CTNNA2: variants seen among roughly 807,000 people sequenced by gnomAD.
CTNNA2 encodes the protein catenin alpha 2.
CTNNA2 carries 42 observed loss-of-function variants against 101.0 expected under a neutral mutation model. The observed-to-expected ratio is 0.42, with a 90% CI of 0.32 to 0.54. The LOEUF is 0.54. Ranked by LOEUF, CTNNA2 falls within the 20% of genes least tolerant of loss-of-function variation. CTNNA2 has a pLI of 0.14. For synonymous variants in CTNNA2, 450 were observed against 456.4 expected (o/e 0.99, Z 0.18); for missense variants, 871 against 1,223.1 (o/e 0.71, Z 4.29).
chr2:79,525,696 A>C (rs1049740164), intron 1 of CTNNA2, among the ~76,000 whole-genome samples: 3 of 152,006 alleles, frequency 2.0e-5, no homozygotes, highest in Non-Finnish European at 2.9e-5. Context: ...GCTTTGTAGA[A>C]TATTGACTGT....
chr2:80,172,650 G>T lies in CTNNA2; in HGVS notation c.1057-220561G>T, dbSNP rs114455988. Among the ~76,000 whole-genome samples the T allele has an allele frequency of 1.6e-3, 246 of 152,276 alleles. 1 individual carries two copies. Among genetic ancestry groups the T allele is most frequent in the African/African-American group, 5.7e-3 (237 of 41,556 alleles). On this transcript the variant is annotated intron_variant, in intron 7 of 18. Transcript: ENST00000402739. Reference sequence around the variant, plus strand: ...AACAATGGAAATGTATTGTCTCATGGCTCTAGAGGCCAGAAGTCTGAGATC... The same window carrying T: ...AACAATGGAAATGTATTGTCTCATGTCTCTAGAGGCCAGAAGTCTGAGATC...
intron 7 of CTNNA2, among the ~76,000 whole-genome samples, chr2:80,168,876 G>A (rs954019551): frequency 2.0e-5 from 3 of 151,962 alleles, no homozygotes; most frequent in South Asian, 2.1e-4. Flanking sequence ...GTTGATTCCC[G>A]CAAACCAAAT....
chr2:80,647,160 A>G (rs1000511056), intron 18 of CTNNA2, among the ~76,000 whole-genome samples: 4 of 152,086 alleles, frequency 2.6e-5, no homozygotes, highest in African/African-American at 4.8e-5. Context: ...TCTTCTGCCT[A>G]AATGACTGTA....
intron 7 of CTNNA2, among the ~76,000 whole-genome samples, chr2:80,227,066 A>G (rs926524207): frequency 1.3e-5 from 2 of 152,218 alleles, no homozygotes; most frequent in Non-Finnish European, 2.9e-5. Flanking sequence ...GCTGTTGTAA[A>G]TGCCACCTTC....
In CTNNA2 at chr2:80,042,272, T is replaced by TTTTTG. The variant is rs576176803; in HGVS notation, c.1056+132488_1056+132492dup. On this transcript the variant is annotated intron_variant, in intron 7 of 18. Coordinates refer to ENST00000402739, the MANE Select transcript of CTNNA2 (RefSeq NM_001282597.3). ...GAGCCACTGCGTTTGACCTAGTTGT[T>TTTTTG]TTTTGTTTTGTTTTGTTCTGTTTTT... 1.0e-3 allele frequency among the ~76,000 whole-genome samples: 153 copies of TTTTTG among 152,276 alleles called. 5 individuals are homozygous for TTTTTG. The South Asian group carries it at 0.029, about 29-fold the overall frequency.
chr2:80,140,064 G>A (rs1223232428), intron 7 of CTNNA2, among the ~76,000 whole-genome samples: 1 of 152,154 alleles, frequency 6.6e-6, no homozygotes, highest in Non-Finnish European at 1.5e-5. Context: ...CTTTATTCAA[G>A]TGAAACAGGA....
intron 9 of CTNNA2, among the ~76,000 whole-genome samples, chr2:80,540,404 C>A (rs1488996059): frequency 6.6e-6 from 1 of 152,020 alleles, no homozygotes; most frequent in Non-Finnish European, 1.5e-5. Flanking sequence ...CGAGACCAGC[C>A]TGGCTAGCAT....
Position 79,744,515 on chromosome 2 carries a change from G to A in CTNNA2, c.231G>A (p.Gln77=). 6.2e-7 allele frequency: 1 copy of A among 1,614,096 alleles called. No homozygotes were observed. Among genetic ancestry groups the A allele is most frequent in the Non-Finnish European group, 8.5e-7 (1 of 1,179,976 alleles). The change falls in exon 3 of 19, where the codon CAG becomes CAA. Residue 77 remains glutamine (Q), a synonymous_variant. Coordinates refer to ENST00000402739, the MANE Select transcript of CTNNA2 (RefSeq NM_001282597.3). ...ATQNFLEKGE[Q]IAKESQDLKE... is the part of the protein sequence containing the mutation. The stretch of plus-strand genomic sequence containing the variant: ...AGAATTTCCTGGAAAAGGGTGAACA[G>A]ATCGCTAAGGAGAGTCAAGATCTCA...
chr2:80,402,501 G>A (rs1052445659), intron 8 of CTNNA2, among the ~76,000 whole-genome samples: 1 of 151,990 alleles, frequency 6.6e-6, no homozygotes, highest in Non-Finnish European at 1.5e-5. Context: ...ATCAAAAATT[G>A]CCTCATTAGA....
At chr2:80,304,390 G>C (rs1164570743) in intron 7 of CTNNA2, 1 of 152,718 alleles carries the variant, frequency 6.5e-6, no homozygotes, top group East Asian at 1.9e-4. Context: ...CGGAGCCCGA[G>C]CTTCGCCTTC....
intron 2 of CTNNA2, among the ~76,000 whole-genome samples, chr2:79,280,673 G>A (rs77136694): frequency 5.4e-5 from 7 of 128,568 alleles, no homozygotes; most frequent in Non-Finnish European, 9.2e-5. Context: ...AAGAGAGAGA[G>A]AGAGAGAGAG....
chr2:80,432,251 G>A (rs1007650803), intron 9 of CTNNA2, among the ~76,000 whole-genome samples: 4 of 152,084 alleles, frequency 2.6e-5, no homozygotes, highest in East Asian at 3.9e-4. Flanking sequence ...CAGTATGTGC[G>A]AGTATGTGTG....
At chr2:80,094,206 T>A (rs1699989501) in intron 7 of CTNNA2, among the ~76,000 whole-genome samples, 1 of 152,178 alleles carries the variant, frequency 6.6e-6, no homozygotes, top group Admixed American at 6.5e-5. Context: ...AGGGATCCAG[T>A]TTCAGCTTTC....
At chr2:79,648,360 T>C (rs2104457797) in intron 1 of CTNNA2, among the ~76,000 whole-genome samples, 1 of 152,332 alleles carries the variant, frequency 6.6e-6, no homozygotes, top group Non-Finnish European at 1.5e-5. Flanking sequence ...CAAAGATCAT[T>C]AATGAGTGAT....
chr2:80,342,054 GA>G (rs1159183005), intron 7 of CTNNA2, among the ~76,000 whole-genome samples: 1 of 152,150 alleles, frequency 6.6e-6, no homozygotes, highest in Non-Finnish European at 1.5e-5. Context: ...TACATATCCA[GA>G]ACAGGCAAAT....
chr2:80,096,309 C>A (rs148656932), intron 7 of CTNNA2, among the ~76,000 whole-genome samples: 1 of 152,094 alleles, frequency 6.6e-6, no homozygotes, highest in Non-Finnish European at 1.5e-5. Flanking sequence ...TGTAGTTGAG[C>A]GGTTTTGACT....
At chr2:79,621,103 C>T (rs879888568) in intron 1 of CTNNA2, among the ~76,000 whole-genome samples, 160 of 152,268 alleles carry the variant, frequency 1.1e-3, no homozygotes, top group Non-Finnish European at 1.8e-3. Context: ...AAAGTGGCTA[C>T]TGTGGTGTCT....
At chr2:80,430,264 T>C (rs773259627) in intron 9 of CTNNA2, among the ~76,000 whole-genome samples, 1 of 152,168 alleles carries the variant, frequency 6.6e-6, no homozygotes, top group South Asian at 2.1e-4. Context: ...TGTCCCTACC[T>C]AAGGAGGAGA....
rs1672764199 is a variant in CTNNA2 at position 80,635,315 on chromosome 2, A to G, written c.2575-12270A>G. On this transcript the variant is annotated intron_variant, in intron 18 of 18. Transcript: ENST00000402739. Reference sequence around the variant, plus strand: ...AAAAAATATTTTAAAGAAGACAGAAAAAGTTCAATTATTAAAAACCCATGG... The same window carrying G: ...AAAAAATATTTTAAAGAAGACAGAAGAAGTTCAATTATTAAAAACCCATGG... Among the ~76,000 whole-genome samples the G allele has an allele frequency of 2.0e-5, 3 of 152,284 alleles. No individual in the cohort carries two copies. The South Asian group carries it at 6.2e-4, about 32-fold the overall frequency.
Sources: gnomAD v4.1 joint callset for allele counts (sites outside exome capture counted in the v4.1 genomes callset) on GRCh38, gnomAD v4.1.1 for gene constraint, MANE v1.5 for transcripts, NCBI Gene and HGNC (gene_info 2026-07-23, HGNC 2026-07-21) for gene names.